The following AGBL4 variants were observed in gnomAD, a reference collection of about 807,000 sequenced individuals.
AGBL4 encodes the protein cytosolic carboxypeptidase 6.
In AGBL4, 58 loss-of-function variants were observed where a neutral mutation model predicts 66.4. The observed-to-expected ratio is 0.87, with a 90% CI of 0.71 to 1.09. The LOEUF (loss-of-function observed/expected upper bound fraction) is 1.09. Among genes scored for constraint, AGBL4 ranks in the 50% least tolerant of loss-of-function variants. AGBL4 has a pLI of 0.00. For missense variants in AGBL4, 579 were observed against 631.0 expected, an observed-to-expected ratio of 0.92 and a Z score of 0.88; for synonymous variants, 234 against 222.9, an observed-to-expected ratio of 1.05 and a Z score of -0.44.
Position 48,534,881 on chromosome 1 carries a change from G to C in AGBL4, c.1391+9C>G. On this transcript the variant is annotated intron_variant, in intron 13 of 13. Coordinates refer to ENST00000371839, the MANE Select transcript of AGBL4 (RefSeq NM_032785.4). The stretch of plus-strand genomic sequence containing the variant: ...TTACGGGCAATGTCATCTTGAAGCA[G>C]TTCCTTACCTTCTCTGGACTTCTAT... The C allele has an allele frequency of 6.4e-7, 1 of 1,551,224 alleles. No homozygotes were observed. Among genetic ancestry groups the C allele is most frequent in the Non-Finnish European group, 8.7e-7 (1 of 1,146,628 alleles).
At chr1:48,772,148 G>A (rs1048549174) in intron 6 of AGBL4, among the ~76,000 whole-genome samples, 1 of 152,212 alleles carries the variant, frequency 6.6e-6, no homozygotes, top group Non-Finnish European at 1.5e-5. Flanking sequence ...CCCTGTCCTA[G>A]AGGAGTTCCC....
intron 5 of AGBL4, among the ~76,000 whole-genome samples, chr1:48,905,090 G>A (rs1652456480): frequency 6.6e-6 from 1 of 152,168 alleles, no homozygotes; most frequent in Non-Finnish European, 1.5e-5. Flanking sequence ...AGGAAATTAT[G>A]AGCCTGGGTA....
intron 2 of AGBL4, among the ~76,000 whole-genome samples, chr1:49,745,827 C>CA (rs202109021): frequency 0.051 from 7,645 of 150,816 alleles, 253 homozygotes; most frequent in Non-Finnish European, 0.078. Flanking sequence ...TTGACAGAAG[C>CA]AAAAAAAATC....
intron 3 of AGBL4, among the ~76,000 whole-genome samples, chr1:49,436,694 T>G (rs1645911298): frequency 6.6e-6 from 1 of 152,178 alleles, no homozygotes; most frequent in African/African-American, 2.4e-5. Flanking sequence ...GTTCTGTATT[T>G]TTAAAAATAT....
Position 49,095,794 on chromosome 1 carries a change from C to A in AGBL4, c.378-49994G>T, listed in dbSNP as rs563974648. On this transcript the variant is annotated intron_variant, in intron 4 of 13. Transcript: ENST00000371839. ...ATAGGCATGGGCAAGGACTTCATGT[C>A]TAAAACACCAAAAGCAATGGCAACA... 7.3e-4 allele frequency among the ~76,000 whole-genome samples: 110 copies of A among 151,566 alleles called. 2 individuals are homozygous for A. The East Asian group carries it at 0.017, about 24-fold the overall frequency.
intron 3 of AGBL4, among the ~76,000 whole-genome samples, chr1:49,351,828 A>T (rs888475347): frequency 5.9e-5 from 9 of 152,196 alleles, no homozygotes; most frequent in African/African-American, 2.2e-4. Context: ...CCTGAGCCTC[A>T]GTCTTCTCAA....
intron 4 of AGBL4, among the ~76,000 whole-genome samples, chr1:49,198,970 A>G (rs1647467686): frequency 6.6e-6 from 1 of 152,174 alleles, no homozygotes; most frequent in African/African-American, 2.4e-5. Flanking sequence ...GTTTACATGC[A>G]CACAGAAAAA....
At chr1:48,916,246 A>G (rs1653571527) in intron 5 of AGBL4, among the ~76,000 whole-genome samples, 3 of 152,216 alleles carry the variant, frequency 2.0e-5, no homozygotes, top group Admixed American at 1.3e-4. Context: ...TGAAAAGGAA[A>G]GTACAGGGAA....
chr1:49,751,688 C>T (rs148878548), intron 2 of AGBL4, among the ~76,000 whole-genome samples: 4,197 of 152,162 alleles, frequency 0.028, 163 homozygotes, highest in African/African-American at 0.095. Context: ...TGGTAGAATT[C>T]GGCTGTGAAT....
intron 3 of AGBL4, among the ~76,000 whole-genome samples, chr1:49,441,745 C>A (rs1646035959): frequency 6.6e-6 from 1 of 152,150 alleles, no homozygotes; most frequent in South Asian, 2.1e-4. Context: ...GTGGCAGGGG[C>A]CAAGTGCTTA....
intron 1 of AGBL4, among the ~76,000 whole-genome samples, chr1:49,879,520 C>T (rs1295199358): frequency 1.0e-4 from 15 of 147,412 alleles, no homozygotes; most frequent in African/African-American, 2.5e-4. Context: ...GGGTTTCTGC[C>T]GAGAGATCCG....
intron 1 of AGBL4, among the ~76,000 whole-genome samples, chr1:49,877,207 T>C (rs1440612787): frequency 6.6e-6 from 1 of 150,664 alleles, no homozygotes; most frequent in Non-Finnish European, 1.5e-5. Flanking sequence ...TGAATAGGAG[T>C]GGTGAGAGAG....
At chr1:49,855,401 G>A (rs148540914) in intron 1 of AGBL4, among the ~76,000 whole-genome samples, 1 of 152,056 alleles carries the variant, frequency 6.6e-6, no homozygotes, top group Non-Finnish European at 1.5e-5. Context: ...AGACCAAATG[G>A]ACATAACAGA....
At chr1:48,598,959 A>C (rs1384143727) in intron 9 of AGBL4, among the ~76,000 whole-genome samples, 1 of 152,058 alleles carries the variant, frequency 6.6e-6, no homozygotes, top group African/African-American at 2.4e-5. Flanking sequence ...ATTACTCCAT[A>C]AGCTTTTTTT....
At chr1:48,578,413 A>G (rs1460365572) in intron 11 of AGBL4, among the ~76,000 whole-genome samples, 1 of 152,222 alleles carries the variant, frequency 6.6e-6, no homozygotes, top group African/African-American at 2.4e-5. Flanking sequence ...AGACTTCAGT[A>G]CAGTTTAGAC....
intron 6 of AGBL4, among the ~76,000 whole-genome samples, chr1:48,804,836 A>C (rs570905382): frequency 1.3e-5 from 2 of 152,290 alleles, no homozygotes; most frequent in Admixed American, 1.3e-4. Context: ...GCAATGGCAA[A>C]ATCATAGGAA....
At chr1:49,461,603 T>A (rs1049599891) in intron 3 of AGBL4, among the ~76,000 whole-genome samples, 4 of 151,040 alleles carry the variant, frequency 2.6e-5, no homozygotes, top group Non-Finnish European at 5.9e-5. Context: ...TTTCTCCTAA[T>A]GCTATCCCTC....
chr1:48,684,564 G>T (rs537205970), intron 6 of AGBL4, among the ~76,000 whole-genome samples: 1 of 152,236 alleles, frequency 6.6e-6, no homozygotes, highest in South Asian at 2.1e-4. Context: ...TTATTTGGCC[G>T]TCCACTTGGA....
intron 3 of AGBL4, among the ~76,000 whole-genome samples, chr1:49,575,072 C>T (rs944169860): frequency 7.9e-5 from 12 of 152,126 alleles, no homozygotes; most frequent in Non-Finnish European, 1.5e-4. Flanking sequence ...TTTCTCCCAT[C>T]CTTCCCCAAA....
Sources: gnomAD v4.1 joint callset for allele counts (sites outside exome capture counted in the v4.1 genomes callset) on GRCh38, gnomAD v4.1.1 for gene constraint, MANE v1.5 for transcripts, NCBI Gene and HGNC (gene_info 2026-07-23, HGNC 2026-07-21) for gene names.